The following KLHL32 variants were observed in gnomAD, a reference collection of about 807,000 sequenced individuals.
KLHL32 encodes the protein kelch like family member 32.
KLHL32 carries 35 observed loss-of-function variants against 64.8 expected under a neutral mutation model. That is an observed-to-expected ratio of 0.54 (90% CI 0.41 to 0.72). The LOEUF is 0.72. Ranked by LOEUF, KLHL32 falls within the 30% of genes least tolerant of loss-of-function variation. The pLI is 0.00. For synonymous variants in KLHL32, 259 were observed against 281.0 expected, an observed-to-expected ratio of 0.92 and a Z score of 0.78; for missense variants, 589 against 768.5, an observed-to-expected ratio of 0.77 and a Z score of 2.76.
At chr6:97,031,503 T>TA (rs1783542386) in intron 3 of KLHL32, among the ~76,000 whole-genome samples, 2 of 151,130 alleles carry the variant, frequency 1.3e-5, no homozygotes, top group Admixed American at 1.3e-4. Flanking sequence ...GCTCAGCTAA[T>TA]TTTTTTTTAT....
chr6:96,960,682 G>A (rs528260749), intron 1 of KLHL32, among the ~76,000 whole-genome samples: 44 of 152,294 alleles, frequency 2.9e-4, no homozygotes, highest in Non-Finnish European at 5.3e-4. Flanking sequence ...AGGAGATCCT[G>A]AGAACATGTG....
At chr6:96,965,397 T>C (rs1305997455) in intron 1 of KLHL32, among the ~76,000 whole-genome samples, 1 of 152,176 alleles carries the variant, frequency 6.6e-6, no homozygotes, top group Non-Finnish European at 1.5e-5. Context: ...TAAAAGAGAA[T>C]TTCATCTATC....
chr6:96,994,110 T>C (rs1778177060), intron 3 of KLHL32, among the ~76,000 whole-genome samples: 1 of 152,186 alleles, frequency 6.6e-6, no homozygotes. Context: ...CAAAAAACAG[T>C]TGTCTCATTC....
At chr6:97,049,996 C>T (rs999187621) in intron 4 of KLHL32, among the ~76,000 whole-genome samples, 5 of 152,150 alleles carry the variant, frequency 3.3e-5, no homozygotes, top group Non-Finnish European at 4.4e-5. Flanking sequence ...CTTTGCTTCA[C>T]GCCAGTCTGT....
intron 4 of KLHL32, among the ~76,000 whole-genome samples, chr6:97,048,885 A>C (rs1004367690): frequency 3.3e-5 from 5 of 152,328 alleles, no homozygotes; most frequent in African/African-American, 1.2e-4. Flanking sequence ...AATTTTTAAA[A>C]TGTTTCTCTC....
intron 3 of KLHL32, among the ~76,000 whole-genome samples, chr6:97,022,782 T>G (rs1467651458): frequency 6.6e-6 from 1 of 152,190 alleles, no homozygotes; most frequent in Non-Finnish European, 1.5e-5. Flanking sequence ...GATCACCTAA[T>G]TTTTAAAGAA....
At position 97,072,017 on chromosome 6, in the gene KLHL32, T is replaced by G. The variant is rs866272400; in HGVS notation, c.411+7291T>G. On this transcript the variant is annotated intron_variant, in intron 5 of 10. Transcript: ENST00000369261. The stretch of plus-strand genomic sequence containing the variant: ...TCTATAATGTACCCTATTCTGACTG[T>G]ACCCCATGGACAGCTTGTCTTAGCT... 9.8e-5 allele frequency among the ~76,000 whole-genome samples: 15 copies of G among 152,334 alleles called. No homozygotes were observed. In the South Asian group the frequency reaches 2.7e-3, roughly 27 times the overall value.
chr6:97,103,699 C>T (rs1310164847), intron 6 of KLHL32, among the ~76,000 whole-genome samples: 1 of 152,204 alleles, frequency 6.6e-6, no homozygotes, highest in African/African-American at 2.4e-5. Context: ...GCATTGGCCC[C>T]ACGTGCATGT....
Position 97,132,731 on chromosome 6 carries a change from C to T in KLHL32, c.1685C>T (p.Pro562Leu). The T allele has an allele frequency of 6.2e-7, 1 of 1,611,928 alleles. No homozygotes were observed. The highest frequency in any genetic ancestry group is 8.5e-7 in the Non-Finnish European group (1 of 1,178,582). ...VGGYSIWTNEPLACIQVLDVS... is the reference protein window; with the variant it reads ...VGGYSIWTNELLACIQVLDVS... ...GGATATTCAATTTGGACAAATGAGCCTCTGGCTTGTATCCAGGTGAGTGGT... is the reference window on the plus strand; with the variant it reads ...GGATATTCAATTTGGACAAATGAGCTTCTGGCTTGTATCCAGGTGAGTGGT... The change falls in exon 10 of 11, where the codon CCT becomes CTT. Residue 562 changes from proline to leucine, a missense_variant. Physicochemically the swap from Pro to Leu is moderately conservative, Grantham distance 98. This residue lies in a region of KLHL32 where 172 missense variants were observed against 192.0 expected (regional missense o/e 0.90). Transcript: ENST00000369261.
chr6:97,004,782 AT>A (rs901149267), intron 3 of KLHL32, among the ~76,000 whole-genome samples: 6 of 152,076 alleles, frequency 3.9e-5, no homozygotes, highest in African/African-American at 1.4e-4. Context: ...ACAATAATTG[AT>A]TTGCATATGG....
chr6:96,950,258 C>G (rs1772412887), intron 1 of KLHL32, among the ~76,000 whole-genome samples: 1 of 151,272 alleles, frequency 6.6e-6, no homozygotes, highest in African/African-American at 2.4e-5. Context: ...GCTCTCTAAA[C>G]AAGAACAATG....
At chr6:96,933,526 A>G (rs1291598893) in intron 1 of KLHL32, among the ~76,000 whole-genome samples, 1 of 152,220 alleles carries the variant, frequency 6.6e-6, no homozygotes, top group Non-Finnish European at 1.5e-5. Context: ...TTTAAGAAAC[A>G]CAGGTTATCA....
At chr6:96,929,444 C>T (rs13213258) in intron 1 of KLHL32, among the ~76,000 whole-genome samples, 25,267 of 152,116 alleles carry the variant, frequency 0.17, 2,166 homozygotes, top group East Asian at 0.26. Flanking sequence ...CCTTCTCTGC[C>T]TATAAGACTG....
chr6:96,931,984 T>C (rs1769942388), intron 1 of KLHL32, among the ~76,000 whole-genome samples: 1 of 152,186 alleles, frequency 6.6e-6, no homozygotes, highest in African/African-American at 2.4e-5. Context: ...ATAATTAATA[T>C]GGATATCTGA....
intron 6 of KLHL32, among the ~76,000 whole-genome samples, chr6:97,101,900 C>G (rs907266131): frequency 1.3e-5 from 2 of 152,170 alleles, no homozygotes; most frequent in African/African-American, 4.8e-5. Flanking sequence ...CATGTGATGG[C>G]TTTATCATGA....
chr6:96,926,543 G>A (rs1335773950), intron 1 of KLHL32, among the ~76,000 whole-genome samples: 1 of 152,214 alleles, frequency 6.6e-6, no homozygotes, highest in East Asian at 1.9e-4. Context: ...CACAGCTAGT[G>A]AATGGGGAAG....
chr6:96,938,495 G>C (rs928325648), intron 1 of KLHL32, among the ~76,000 whole-genome samples: 8 of 152,124 alleles, frequency 5.3e-5, no homozygotes, highest in African/African-American at 1.9e-4. Context: ...TGCTGCTGTT[G>C]CTGCTTCTGA....
intron 1 of KLHL32, among the ~76,000 whole-genome samples, chr6:96,952,717 G>A (rs1772771482): frequency 6.6e-6 from 1 of 152,212 alleles, no homozygotes. Context: ...TTACTGCACT[G>A]TAGTAAATGT....
rs549588310 is a variant in KLHL32, at chr6:96,929,854, A to G, written c.-66+4828A>G. Among the ~76,000 whole-genome samples the G allele has an allele frequency of 1.1e-4, 17 of 152,344 alleles. No individual in the cohort carries two copies. The South Asian group carries it at 3.5e-3, about 32-fold the overall frequency. On this transcript the variant is annotated intron_variant, in intron 1 of 10. Transcript: ENST00000369261. ...ATTAGTTCCACATATGGCAGAAAGC[A>G]TTGAAAGCTGTAAATTTGTCTAAAA...
Sources: allele counts gnomAD v4.1 joint callset (sites outside exome capture counted in the v4.1 genomes callset), GRCh38; gene constraint gnomAD v4.1.1; regional missense constraint gnomAD v4.1.1; transcripts MANE v1.5; gene names NCBI Gene and HGNC (gene_info 2026-07-23, HGNC 2026-07-21).